The following NCKAP1 variants were observed in gnomAD, a reference collection of about 807,000 sequenced individuals.
NCKAP1 encodes nck-associated protein 1.
NCKAP1 carries 21 observed loss-of-function variants against 151.2 expected under a neutral mutation model. That is an observed-to-expected ratio of 0.14 (90% CI 0.10 to 0.20). The LOEUF (loss-of-function observed/expected upper bound fraction) is 0.20. Ranked by LOEUF, NCKAP1 falls within the 10% of genes least tolerant of loss-of-function variation. The pLI is 1.00. For synonymous variants in NCKAP1, 484 were observed against 451.8 expected (o/e 1.07, Z -0.90); for missense variants, 933 against 1,352.1 (o/e 0.69, Z 4.86).
At chr2:182,945,159 C>T (rs1466502434) in intron 23 of NCKAP1, among the ~76,000 whole-genome samples, 1 of 151,838 alleles carries the variant, frequency 6.6e-6, no homozygotes, top group Non-Finnish European at 1.5e-5. Context: ...CGCCTGAACC[C>T]GGGAGGCAGA....
chr2:183,005,094 T>A (rs551881386), intron 2 of NCKAP1, among the ~76,000 whole-genome samples: 1 of 152,156 alleles, frequency 6.6e-6, no homozygotes, highest in Non-Finnish European at 1.5e-5. Context: ...AAACATAAAG[T>A]GAATACTTAT....
intron 2 of NCKAP1, among the ~76,000 whole-genome samples, chr2:183,018,093 G>A (rs1327144324): frequency 6.6e-6 from 1 of 151,878 alleles, no homozygotes; most frequent in Non-Finnish European, 1.5e-5. Context: ...ACTAAAAATA[G>A]AAAATTAGGC....
At chr2:183,024,027 G>C in intron 1 of NCKAP1, 111 bp from the exon 2 acceptor site, 1 of 820,040 alleles carries the variant, frequency 1.2e-6, no homozygotes, top group Non-Finnish European at 2.0e-6. Context: ...TGGTGAGCAG[G>C]TGATAAAATG....
Position 182,948,101 on chromosome 2 carries a change from G to A in NCKAP1, c.2601+4304C>T, listed in dbSNP as rs574513524. Among the ~76,000 whole-genome samples, 6 of 151,872 alleles carry A rather than the reference G, an allele frequency of 4.0e-5. No individual in the cohort carries two copies. The East Asian group carries it at 1.2e-3, about 29-fold the overall frequency. ...TTGTTTTGAAGAACTAAATGATGAAGGCACAATATTAAAAATATAAATATT... is the reference window on the plus strand; with the variant it reads ...TTGTTTTGAAGAACTAAATGATGAAAGCACAATATTAAAAATATAAATATT... On this transcript the variant is annotated intron_variant, in intron 23 of 30. Transcript: ENST00000361354.
intron 17 of NCKAP1, among the ~76,000 whole-genome samples, chr2:182,962,994 A>C (rs1325099071): frequency 6.6e-6 from 1 of 152,062 alleles, no homozygotes; most frequent in Non-Finnish European, 1.5e-5. Flanking sequence ...CAAAGAAATA[A>C]AATTTTTAAC....
intron 15 of NCKAP1, among the ~76,000 whole-genome samples, chr2:182,975,689 C>T (rs901871330): frequency 2.6e-5 from 4 of 152,034 alleles, no homozygotes; most frequent in Admixed American, 2.0e-4. Context: ...AGAAGATCAC[C>T]GAGGCCAGGA....
intron 6 of NCKAP1, among the ~76,000 whole-genome samples, chr2:182,996,688 C>T (rs1698276799): frequency 6.6e-6 from 1 of 152,164 alleles, no homozygotes; most frequent in Admixed American, 6.5e-5. Flanking sequence ...GATCTCCTGA[C>T]CTCCTGATCC....
At chr2:182,984,830 T>C (rs1463688923) in intron 10 of NCKAP1, among the ~76,000 whole-genome samples, 7 of 152,200 alleles carry the variant, frequency 4.6e-5, no homozygotes. Context: ...GTCTATAAAG[T>C]ACTTGGGCCT....
intron 6 of NCKAP1, among the ~76,000 whole-genome samples, chr2:183,000,123 A>C (rs1178464516): frequency 6.6e-6 from 1 of 152,214 alleles, no homozygotes; most frequent in African/African-American, 2.4e-5. Flanking sequence ...ACAAACCTGA[A>C]AGTGTACCCC....
rs1350511228 is a variant in NCKAP1, at chr2:182,918,341, A to G, written c.*7361T>C. The G allele has an allele frequency of 6.6e-6, 1 of 152,188 alleles. No homozygotes were observed. The highest frequency in any genetic ancestry group is 2.4e-5 in the African/African-American group (1 of 41,448). 9.4% of individuals were successfully genotyped at this position (152,188 alleles called of 1,614,324 possible). On this transcript the variant is annotated 3_prime_UTR_variant, in exon 31 of 31. Coordinates refer to ENST00000361354, the MANE Select transcript of NCKAP1 (RefSeq NM_013436.5). ...TGATCCAGCAATCCTACTACTGGGT[A>G]TCTACCCAAAGGAAGTCAATATATC...
At chr2:182,933,018 A>T (rs895454638) in intron 26 of NCKAP1, among the ~76,000 whole-genome samples, 1 of 152,334 alleles carries the variant, frequency 6.6e-6, no homozygotes, top group South Asian at 2.1e-4. Flanking sequence ...TGGTATAAAT[A>T]TAAGTAGAAA....
chr2:182,930,572 T>C (rs1696742443), intron 27 of NCKAP1, 123 bp downstream of exon 27: 2 of 718,950 alleles, frequency 2.8e-6, no homozygotes, highest in East Asian at 2.7e-5. Flanking sequence ...GCAATAATAA[T>C]AACAAATTTA....
At position 182,917,978 on chromosome 2, in the gene NCKAP1, A is replaced by T. The variant is rs890407869; in HGVS notation, c.*7724T>A. The T allele has an allele frequency of 2.0e-5, 3 of 152,148 alleles. No homozygotes were observed. The highest frequency in any genetic ancestry group is 2.9e-5 in the Non-Finnish European group (2 of 68,028). The allele number at this position is 152,148 out of a possible 1,614,324, so 9.4% of individuals were successfully genotyped here. On this transcript the variant is annotated 3_prime_UTR_variant, in exon 31 of 31. Coordinates refer to ENST00000361354, the MANE Select transcript of NCKAP1 (RefSeq NM_013436.5). ...CCAAGCCCACAGTCATTTACCCAGG[A>T]AATGTTTTTTAGTGCTTTGGGAAAG... is the stretch of plus-strand genomic sequence containing the variant.
At chr2:182,996,308 T>C (rs1698267066) in intron 6 of NCKAP1, among the ~76,000 whole-genome samples, 1 of 152,230 alleles carries the variant, frequency 6.6e-6, no homozygotes, top group African/African-American at 2.4e-5. Flanking sequence ...GTACCTCATC[T>C]TAATAAATTA....
At position 182,962,229 on chromosome 2, in the gene NCKAP1, T is replaced by G; in HGVS notation, c.1811A>C (p.Asp604Ala). The G allele has an allele frequency of 1.2e-6, 2 of 1,611,866 alleles. No individual in the cohort carries two copies. Among genetic ancestry groups the G allele is most frequent in the Non-Finnish European group, 1.7e-6 (2 of 1,178,272 alleles). ...RSLSLCNMFL[D>A]EMAKQARNLI... Reference sequence around the variant, plus strand: ...ATTTCGAGCTTGTTTGGCCATTTCATCTAGGAACATATTACATAAGGAAAG... The same window carrying G: ...ATTTCGAGCTTGTTTGGCCATTTCAGCTAGGAACATATTACATAAGGAAAG... Residue 604 changes from aspartate (D) to alanine (A), a missense_variant, in exon 18 of 31, where the codon GAT becomes GCT. Asp to Ala is a moderately radical substitution (Grantham distance 126). Around this residue, in one of 2 missense-constraint regions of NCKAP1, gnomAD observed 607 missense variants for 795.0 expected, o/e 0.76. Transcript: ENST00000361354.
chr2:182,924,038 T>C lies in NCKAP1; in HGVS notation c.*1664A>G, dbSNP rs1696593652. On this transcript the variant is annotated 3_prime_UTR_variant, in exon 31 of 31. Transcript: ENST00000361354. Reference sequence around the variant, plus strand: ...TTATTACCTCTCTAAGATCCTAATATTTCAAAACAAACGGCATTAAATCTT... The same window carrying C: ...TTATTACCTCTCTAAGATCCTAATACTTCAAAACAAACGGCATTAAATCTT... 6.6e-6 allele frequency: 1 copy of C among 152,210 alleles called. No individual in the cohort carries two copies. Among genetic ancestry groups the C allele is most frequent in the Admixed American group, 6.6e-5 (1 of 15,264 alleles). 9.4% of individuals were successfully genotyped at this position (152,210 alleles called of 1,614,324 possible).
At position 182,962,703 on chromosome 2, in the gene NCKAP1, A is replaced by G. The variant is rs568183721; in HGVS notation, c.1762-425T>C. On this transcript the variant is annotated intron_variant, in intron 17 of 30. Transcript: ENST00000361354. Reference sequence around the variant, plus strand: ...CTATAAATGTATAAATTGTGGCATAACTTTGTATAAACAGGAAAGAAGAGC... The same window carrying G: ...CTATAAATGTATAAATTGTGGCATAGCTTTGTATAAACAGGAAAGAAGAGC... 5.3e-5 allele frequency among the ~76,000 whole-genome samples: 8 copies of G among 152,122 alleles called. No individual in the cohort carries two copies. In the South Asian group the frequency reaches 1.7e-3, roughly 32 times the overall value.
intron 23 of NCKAP1, among the ~76,000 whole-genome samples, chr2:182,950,961 T>C (rs970571476): frequency 1.3e-5 from 2 of 152,028 alleles, no homozygotes; most frequent in Admixed American, 6.6e-5. Flanking sequence ...GCCTCCCTAG[T>C]AGCTGGGATT....
chr2:182,935,665 T>C (rs1001069716), intron 24 of NCKAP1, among the ~76,000 whole-genome samples: 3 of 151,802 alleles, frequency 2.0e-5, no homozygotes, highest in Non-Finnish European at 2.9e-5. Context: ...ATATTTATAA[T>C]ATAACTTTAT....
Sources: gnomAD v4.1 joint callset for allele counts (sites outside exome capture counted in the v4.1 genomes callset) on GRCh38, gnomAD v4.1.1 for gene constraint, gnomAD v4.1.1 regional missense constraint, MANE v1.5 for transcripts, NCBI Gene and HGNC (gene_info 2026-07-23, HGNC 2026-07-21) for gene names.